MCTP2: variants seen among roughly 807,000 people sequenced by gnomAD.
MCTP2 encodes multiple C2 and transmembrane domain containing 2, also known as multiple C2 and transmembrane domain-containing protein 2.
MCTP2 carries 132 observed loss-of-function variants against 111.6 expected under a neutral mutation model. The observed-to-expected ratio is 1.18, with a 90% CI of 1.03 to 1.37. MCTP2 has a LOEUF of 1.37. Ranked by LOEUF, MCTP2 falls within the 40% of genes most tolerant of loss-of-function variation. The pLI, the probability that MCTP2 is intolerant of heterozygous loss-of-function variation, is 0.00. For missense variants in MCTP2, 1,183 were observed against 1,067.9 expected (o/e 1.11, Z -1.50); for synonymous variants, 395 against 387.7 (o/e 1.02, Z -0.22).
chr15:94,468,074 C>A (rs573435347), intron 20 of MCTP2, among the ~76,000 whole-genome samples: 4 of 151,420 alleles, frequency 2.6e-5, no homozygotes, highest in African/African-American at 9.6e-5. Context: ...TTATGTTAAT[C>A]ATAAACAAAG....
chr15:94,248,997 G>A (rs1020261907), intron 1 of MCTP2, among the ~76,000 whole-genome samples: 4 of 152,100 alleles, frequency 2.6e-5, no homozygotes, highest in African/African-American at 7.2e-5. Context: ...TGTTAAACTC[G>A]AGCTTAAATG....
intron 10 of MCTP2, among the ~76,000 whole-genome samples, chr15:94,360,811 T>C (rs574818620): frequency 3.9e-5 from 6 of 152,160 alleles, no homozygotes; most frequent in African/African-American, 1.4e-4. Flanking sequence ...TATACCTGTC[T>C]TGGTGGTCAT....
chr15:94,293,282 A>G (rs546966695), intron 1 of MCTP2, among the ~76,000 whole-genome samples: 3 of 152,326 alleles, frequency 2.0e-5, no homozygotes, highest in East Asian at 3.8e-4. Context: ...GCTACAAAGT[A>G]GGGGAAATAT....
chr15:94,269,259 A>G (rs2073777047), intron 1 of MCTP2, among the ~76,000 whole-genome samples: 1 of 152,224 alleles, frequency 6.6e-6, no homozygotes, highest in South Asian at 2.1e-4. Flanking sequence ...CACAAATCAT[A>G]TAGATTTATT....
At chr15:94,278,012 C>T (rs1480346624) in intron 1 of MCTP2, 2 of 152,098 alleles carry the variant, frequency 1.3e-5, no homozygotes, top group Non-Finnish European at 2.9e-5. Context: ...CTGCTCTAAA[C>T]ATAGTTCATT....
chr15:94,312,759 G>T (rs1440960967), intron 2 of MCTP2, among the ~76,000 whole-genome samples: 2 of 152,178 alleles, frequency 1.3e-5, no homozygotes, highest in Non-Finnish European at 2.9e-5. Flanking sequence ...TTTCTGCCCA[G>T]TTGCAGCCTT....
chr15:94,474,854 C>T (rs2074222503), intron 21 of MCTP2, among the ~76,000 whole-genome samples: 1 of 115,600 alleles, frequency 8.7e-6, no homozygotes, highest in African/African-American at 3.0e-5. Flanking sequence ...TAATTTTTAT[C>T]CTAAGTTTTT....
intron 1 of MCTP2, among the ~76,000 whole-genome samples, chr15:94,257,566 G>GTTGTTTTTTTTT (rs2072872223): frequency 8.2e-5 from 6 of 73,002 alleles, no homozygotes; most frequent in Non-Finnish European, 1.1e-4. Context: ...CATTTTCTTT[G>GTTGTTTTTTTTT]TTGTTTTTTT....
rs756773056 is a variant in MCTP2, at chr15:94,476,649, T to TAGATAGACAGAC, written c.2471-44_2471-43insTAGACAGACAGA. The TAGATAGACAGAC allele has an allele frequency of 9.1e-5, 67 of 736,800 alleles. No homozygotes were observed. In the African/African-American group the frequency reaches 1.3e-3, roughly 14 times the overall value. The allele number at this position is 736,800 out of a possible 1,614,324, so 45.6% of individuals were successfully genotyped here. ...ATAGATAGATAGATAGATAGATAGA[T>TAGATAGACAGAC]AGACAGACAGACAGATAAAGAGATC... On this transcript the variant is annotated intron_variant, in intron 21 of 22. Transcript: ENST00000357742.
rs1206487594 is a variant in MCTP2 at position 94,483,188 on chromosome 15, G to T, written c.*4154G>T. 1.3e-5 allele frequency: 2 copies of T among 152,124 alleles called. No homozygotes were observed. The highest frequency in any genetic ancestry group is 6.5e-5 in the Admixed American group (1 of 15,276). 9.4% of individuals were successfully genotyped at this position (152,124 alleles called of 1,614,324 possible). A position where few individuals can be genotyped will look rare whatever the true frequency, so the allele number is the denominator to read the frequency against. On this transcript the variant is annotated 3_prime_UTR_variant, in exon 23 of 23. Transcript: ENST00000357742. ...TATTAGCTGCAAAAAATTCTTCATG[G>T]GCTTGAGATGGAGTTAGCCATATTC...
chr15:94,352,767 A>T (rs1037429458), intron 8 of MCTP2, among the ~76,000 whole-genome samples: 3 of 152,210 alleles, frequency 2.0e-5, no homozygotes, highest in Non-Finnish European at 4.4e-5. Context: ...TTGTGAGGGA[A>T]AAAAGGGGTG....
chr15:94,378,596 A>T (rs1182989150), intron 12 of MCTP2, among the ~76,000 whole-genome samples: 1 of 152,220 alleles, frequency 6.6e-6, no homozygotes, highest in Non-Finnish European at 1.5e-5. Flanking sequence ...AGGTGTTAGA[A>T]TATAGGATTA....
intron 12 of MCTP2, among the ~76,000 whole-genome samples, chr15:94,374,857 T>C (rs1188344158): frequency 6.6e-6 from 1 of 151,952 alleles, no homozygotes; most frequent in Non-Finnish European, 1.5e-5. Context: ...AGAGCAGCCC[T>C]CCACGCCTAG....
intron 4 of MCTP2, among the ~76,000 whole-genome samples, chr15:94,325,517 T>C (rs1232360420): frequency 8.5e-5 from 13 of 152,142 alleles, no homozygotes; most frequent in Non-Finnish European, 1.8e-4. Context: ...CTTTTACTTC[T>C]TTTGAGATAA....
Position 94,260,362 on chromosome 15 carries a change from A to G in MCTP2, c.-66+28698A>G, listed in dbSNP as rs147614785. Among the ~76,000 whole-genome samples the G allele has an allele frequency of 1.9e-3, 286 of 152,154 alleles. 1 individual carries two copies. The highest frequency in any genetic ancestry group is 6.5e-3 in the African/African-American group (272 of 41,538). ...TCTTGTTCAGCTTTGGCATCATCTC[A>G]TGATTGGAGGGTGCAGCCTTCATTG... On this transcript the variant is annotated intron_variant, in intron 1 of 22. Transcript: ENST00000357742.
chr15:94,337,701 G>A (rs962384453), intron 4 of MCTP2, among the ~76,000 whole-genome samples: 10 of 152,164 alleles, frequency 6.6e-5, no homozygotes, highest in African/African-American at 1.9e-4. Flanking sequence ...GCATGCACGC[G>A]CGTGTGCATG....
At position 94,474,934 on chromosome 15, in the gene MCTP2, T is replaced by C. The variant is rs557416103; in HGVS notation, c.2471-1762T>C. ...GCCCTCATTGGTGCATTTGAGCTAC[T>C]GTGCAGGTTTATAATCTTCTCAGTG... On this transcript the variant is annotated intron_variant, in intron 21 of 22. Coordinates refer to ENST00000357742, the MANE Select transcript of MCTP2 (RefSeq NM_001385001.1). Among the ~76,000 whole-genome samples, 11 of 152,260 alleles carry C rather than the reference T, an allele frequency of 7.2e-5. No homozygotes were observed. The South Asian group carries it at 2.1e-3, about 29-fold the overall frequency.
intron 7 of MCTP2, among the ~76,000 whole-genome samples, 179 bp from the exon 8 acceptor site, chr15:94,344,950 C>G (rs2077886389): frequency 1.3e-5 from 2 of 152,160 alleles, no homozygotes; most frequent in Admixed American, 1.3e-4. Context: ...ACATGTGACT[C>G]TTTGTTGTTG....
At chr15:94,258,364 G>T (rs961003537) in intron 1 of MCTP2, among the ~76,000 whole-genome samples, 1 of 152,086 alleles carries the variant, frequency 6.6e-6, no homozygotes, top group Non-Finnish European at 1.5e-5. Context: ...TCTCTCAAAG[G>T]ACATGCAAAT....
Sources: allele counts gnomAD v4.1 joint callset (sites outside exome capture counted in the v4.1 genomes callset), GRCh38; gene constraint gnomAD v4.1.1; transcripts MANE v1.5; gene names NCBI Gene and HGNC (gene_info 2026-07-23, HGNC 2026-07-21).